Variants in IL2RB observed in about 807,000 individuals in gnomAD.
IL2RB encodes the protein interleukin-2 receptor subunit beta.
Under a neutral mutation model 44.2 loss-of-function variants are expected in IL2RB, and 17 were observed. The ratio of observed to expected loss-of-function variants is 0.38; its 90% CI spans 0.26 to 0.58. IL2RB has a LOEUF of 0.58. IL2RB is among the 20% of genes least tolerant of loss of function. The pLI, the probability that IL2RB is intolerant of heterozygous loss-of-function variation, is 0.63. For missense variants in IL2RB, 624 were observed against 685.5 expected (o/e 0.91, Z 1.00); for synonymous variants, 286 against 297.9 (o/e 0.96, Z 0.41).
intron 1 of IL2RB, among the ~76,000 whole-genome samples, chr22:37,167,989 GGCA>G (rs1377545628): frequency 6.6e-6 from 1 of 152,248 alleles, no homozygotes; most frequent in South Asian, 2.1e-4. Flanking sequence ...AGCACCTGCT[GGCA>G]GCAGCATGCT....
At chr22:37,173,839 C>G (rs909614887) in intron 1 of IL2RB, among the ~76,000 whole-genome samples, 1 of 152,194 alleles carries the variant, frequency 6.6e-6, no homozygotes, top group Non-Finnish European at 1.5e-5. Context: ...GTGAGCAGAG[C>G]CAACTATTGC....
chr22:37,140,860 C>T (rs550638184), intron 4 of IL2RB, among the ~76,000 whole-genome samples: 2 of 152,284 alleles, frequency 1.3e-5, no homozygotes, highest in East Asian at 3.9e-4. Context: ...CAGCTGTGTA[C>T]TTCCTGGCTG....
intron 1 of IL2RB, among the ~76,000 whole-genome samples, chr22:37,169,719 G>A (rs1192400198): frequency 2.0e-5 from 3 of 151,886 alleles, no homozygotes; most frequent in African/African-American, 4.8e-5. Context: ...CTTATCCCGC[G>A]GACTCATCAT....
At chr22:37,147,469 T>C (rs1006625598) in intron 1 of IL2RB, among the ~76,000 whole-genome samples, 4 of 152,366 alleles carry the variant, frequency 2.6e-5, no homozygotes, top group Non-Finnish European at 4.4e-5. Flanking sequence ...GAGCACATAC[T>C]CTATGCTAGG....
At chr22:37,136,079 G>T in intron 7 of IL2RB, 149 bp downstream of exon 7, 1 of 845,364 alleles carries the variant, frequency 1.2e-6, no homozygotes, top group Non-Finnish European at 1.8e-6. Flanking sequence ...GTTCCTGTCT[G>T]AAAAGCGAGC....
At chr22:37,169,426 A>G (rs1270824727) in intron 1 of IL2RB, among the ~76,000 whole-genome samples, 1 of 152,166 alleles carries the variant, frequency 6.6e-6, no homozygotes, top group African/African-American at 2.4e-5. Flanking sequence ...TTCTGTTTAC[A>G]GAGGGGTTCA....
In IL2RB at chr22:37,141,855, G is replaced by T. The variant is rs1179229764; in HGVS notation, c.282+579C>A. 2.0e-5 allele frequency among the ~76,000 whole-genome samples: 3 copies of T among 152,202 alleles called. No homozygotes were observed. Among genetic ancestry groups the T allele is most frequent in the African/African-American group, 7.2e-5 (3 of 41,444 alleles). ...GCCCGAGCAGCCTGGGCAGAAGGAGGCGGGTCCCTGGTGAGGTCCCACCTT... is the reference window on the plus strand; with the variant it reads ...GCCCGAGCAGCCTGGGCAGAAGGAGTCGGGTCCCTGGTGAGGTCCCACCTT... On this transcript the variant is annotated intron_variant, in intron 4 of 9. Coordinates refer to ENST00000216223, the MANE Select transcript of IL2RB (RefSeq NM_000878.5). The surrounding 1 kb of genome is among the most constrained non-coding windows in gnomAD (Gnocchi z 4.4).
intron 1 of IL2RB, among the ~76,000 whole-genome samples, chr22:37,173,922 A>G (rs1417878352): frequency 6.6e-6 from 1 of 152,192 alleles, no homozygotes; most frequent in Non-Finnish European, 1.5e-5. Context: ...TGGAACCAAG[A>G]CACCCTGGCT....
intron 1 of IL2RB, among the ~76,000 whole-genome samples, chr22:37,168,120 G>A (rs184452880): frequency 1.1e-3 from 170 of 152,386 alleles, no homozygotes; most frequent in African/African-American, 4.0e-3. Flanking sequence ...TCGTGTCAAT[G>A]TGGTGACCCT....
At chr22:37,166,729 T>C (rs1411308345) in intron 1 of IL2RB, 3 of 152,140 alleles carry the variant, frequency 2.0e-5, no homozygotes, top group African/African-American at 4.8e-5. Context: ...CTCCCCAGCC[T>C]CCTCGAGACT....
At chr22:37,156,117 C>T (rs1271798835) in intron 1 of IL2RB, among the ~76,000 whole-genome samples, 2 of 152,236 alleles carry the variant, frequency 1.3e-5, no homozygotes, top group Admixed American at 6.5e-5. Context: ...CCTCTCCACT[C>T]CGCCTCCCAG....
intron 1 of IL2RB, among the ~76,000 whole-genome samples, chr22:37,144,472 G>A (rs963968826): frequency 2.3e-4 from 35 of 152,188 alleles, no homozygotes; most frequent in African/African-American, 8.2e-4. Flanking sequence ...GTGGCCAGGC[G>A]TGTGGCTCAT....
chr22:37,165,703 T>C (rs1923049367), intron 1 of IL2RB, among the ~76,000 whole-genome samples: 1 of 151,036 alleles, frequency 6.6e-6, no homozygotes. Context: ...TTTAATTTAA[T>C]TTAATTTTAT....
rs1569043494 is a variant in IL2RB, at chr22:37,136,473, C to CCA, written c.538-81_538-80insTG. 4.2e-6 allele frequency: 6 copies of CCA among 1,439,978 alleles called. 1 individual carries two copies. In the African/African-American group the frequency reaches 4.2e-5, roughly 10 times the overall value. The allele number at this position is 1,439,978 out of a possible 1,614,324, so 89.2% of individuals were successfully genotyped here. A position where few individuals can be genotyped will look rare whatever the true frequency, so the allele number is the denominator to read the frequency against. On this transcript the variant is annotated intron_variant, in intron 6 of 9. Coordinates refer to ENST00000216223, the MANE Select transcript of IL2RB (RefSeq NM_000878.5). The stretch of plus-strand genomic sequence containing the variant: ...GAGGCTGAGCATCACAGAACCCCCC[C>CCA]CCAACCCCTGCCAGCTGCACCCCCA...
At chr22:37,169,988 G>C (rs1923219188) in intron 1 of IL2RB, among the ~76,000 whole-genome samples, 1 of 152,072 alleles carries the variant, frequency 6.6e-6, no homozygotes, top group South Asian at 2.1e-4. Flanking sequence ...ACTGATGGAT[G>C]AACAGAAGAA....
chr22:37,143,749 C>A, intron 2 of IL2RB, 114 bp from the exon 3 acceptor site: 1 of 767,996 alleles, frequency 1.3e-6, no homozygotes. Flanking sequence ...AGGTGGGTAA[C>A]TCTGGCAAGC....
intron 9 of IL2RB, among the ~76,000 whole-genome samples, chr22:37,131,524 C>A (rs191818341): frequency 1.3e-5 from 2 of 152,174 alleles, no homozygotes; most frequent in African/African-American, 4.8e-5. Context: ...TACTGATCTG[C>A]GGGCCGGCAC....
At chr22:37,140,342 T>C (rs558394048) in intron 4 of IL2RB, among the ~76,000 whole-genome samples, 8 of 150,934 alleles carry the variant, frequency 5.3e-5, no homozygotes, top group Non-Finnish European at 7.4e-5. Context: ...ATTATTGTTA[T>C]AAAAATATTG....
chr22:37,139,480 G>A (rs1921862295), intron 4 of IL2RB, among the ~76,000 whole-genome samples: 1 of 152,150 alleles, frequency 6.6e-6, no homozygotes, highest in Non-Finnish European at 1.5e-5. Context: ...TGAATATTAG[G>A]GCCATGTTCC....
Sources: gnomAD v4.1 joint callset for allele counts (sites outside exome capture counted in the v4.1 genomes callset) on GRCh38, gnomAD v4.1.1 for gene constraint, Gnocchi (gnomAD v3.1) non-coding constraint, MANE v1.5 for transcripts, NCBI Gene and HGNC (gene_info 2026-07-23, HGNC 2026-07-21) for gene names.